CACNA1E: variants seen among roughly 807,000 people sequenced by gnomAD.
The protein encoded by CACNA1E is voltage-dependent R-type calcium channel subunit alpha-1E.
CACNA1E carries 40 observed loss-of-function variants against 259.2 expected under a neutral mutation model. That is an observed-to-expected ratio of 0.15 (90% CI 0.12 to 0.20). CACNA1E has a LOEUF of 0.20. Among genes scored for constraint, CACNA1E ranks in the 10% least tolerant of loss-of-function variants. The pLI, the probability that CACNA1E is intolerant of heterozygous loss-of-function variation, is 1.00. For missense variants in CACNA1E, 1,874 were observed against 3,040.1 expected, an observed-to-expected ratio of 0.62 and a Z score of 9.02; for synonymous variants, 1,104 against 1,138.5, an observed-to-expected ratio of 0.97 and a Z score of 0.61.
intron 7 of CACNA1E, among the ~76,000 whole-genome samples, chr1:181,706,555 T>C (rs935556759): frequency 6.6e-6 from 1 of 152,216 alleles, no homozygotes; most frequent in African/African-American, 2.4e-5. Flanking sequence ...TTATTCTAGG[T>C]CTTTAATAAC....
chr1:181,726,149 A>C lies in CACNA1E; in HGVS notation c.2227A>C (p.Met743Leu). 3.1e-6 allele frequency: 5 copies of C among 1,611,726 alleles called. No homozygotes were observed. Among genetic ancestry groups the C allele is most frequent in the Non-Finnish European group, 4.2e-6 (5 of 1,178,740 alleles). ...KEVSPMSAPN[M>L]PSIERDRRRR... is the part of the protein sequence containing the mutation. The stretch of plus-strand genomic sequence containing the variant: ...GGTCAGCCCGATGTCTGCACCCAAC[A>C]TGCCTTCGATCGAGTGAGTCAGCTG... The change falls in exon 18 of 48, where the codon ATG becomes CTG. Residue 743 changes from methionine (M) to leucine (L), a missense_variant. Physicochemically the swap from Met to Leu is conservative, Grantham distance 15. Coordinates refer to ENST00000367573, the MANE Select transcript of CACNA1E (RefSeq NM_001205293.3).
chr1:181,428,172 C>G lies in CACNA1E; in HGVS notation c.434+14592C>G, dbSNP rs78160593. 2.2e-3 allele frequency among the ~76,000 whole-genome samples: 332 copies of G among 152,348 alleles called. 2 individuals carry two copies. The highest frequency in any genetic ancestry group is 7.7e-3 in the African/African-American group (322 of 41,570). On this transcript the variant is annotated intron_variant, in intron 2 of 11. Coordinates refer to the CACNA1E transcript ENST00000524607. ...CTCACTCTCCGGAGGACTGGCACTT[C>G]TCTCAACACCCCTCCTCAGCATCTC...
chr1:181,739,269 C>T lies in CACNA1E; in HGVS notation c.3719+16C>T. On this transcript the variant is annotated intron_variant, in intron 25 of 47. Transcript: ENST00000367573. ...TTGCTCTGGCGTAAGTGACTCTTTT[C>T]ATATTTGATTCCCTTCCTTCCCCTC... is the stretch of plus-strand genomic sequence containing the variant. 1 of 1,502,220 alleles carries T rather than the reference C, an allele frequency of 6.7e-7. No individual in the cohort carries two copies. The allele number at this position is 1,502,220 out of a possible 1,614,324, so 93.1% of individuals were successfully genotyped here.
chr1:181,449,452 C>T (rs757983243), intron 2 of CACNA1E, among the ~76,000 whole-genome samples: 1 of 152,248 alleles, frequency 6.6e-6, no homozygotes, highest in Non-Finnish European at 1.5e-5. Flanking sequence ...GCTGGCAGCA[C>T]ACCACAATTC....
At chr1:181,784,819 G>C in intron 41 of CACNA1E, 51 bp downstream of exon 41, 2 of 1,129,426 alleles carry the variant, frequency 1.8e-6, no homozygotes, top group East Asian at 2.6e-5. Context: ...AGCATGTGAA[G>C]ACTACGTCTT....
chr1:181,774,954 G>C (rs1558376259), intron 37 of CACNA1E, among the ~76,000 whole-genome samples: 1 of 152,194 alleles, frequency 6.6e-6, no homozygotes, highest in Non-Finnish European at 1.5e-5. Flanking sequence ...TCCTGGGGCA[G>C]AGCAGGCTTG....
At chr1:181,426,517 ACC>A (rs1659222259) in intron 2 of CACNA1E, among the ~76,000 whole-genome samples, 1 of 144,004 alleles carries the variant, frequency 6.9e-6, no homozygotes, top group South Asian at 2.3e-4. Flanking sequence ...TCCTGTCTCA[ACC>A]CCTTCACAAC....
At chr1:181,720,481 A>T in intron 14 of CACNA1E, 144 bp downstream of exon 14, 1 of 857,544 alleles carries the variant, frequency 1.2e-6, no homozygotes, top group Admixed American at 2.5e-5. Context: ...GTGAGTTCAT[A>T]TGTGGAGTAA....
At chr1:181,470,592 C>T (rs1231325961) in intron 2 of CACNA1E, among the ~76,000 whole-genome samples, 1 of 152,124 alleles carries the variant, frequency 6.6e-6, no homozygotes, top group Non-Finnish European at 1.5e-5. Context: ...GGTATATAAC[C>T]AAGGAGAGGA....
rs943418832 is a variant in CACNA1E at position 181,758,004 on chromosome 1, A to G, written c.4387A>G (p.Asn1463Asp). The change falls in exon 31 of 48, where the codon AAC (asparagine) becomes GAC (aspartate). Residue 1463 changes from asparagine (N) to aspartate (D), a missense_variant. Physicochemically the swap from Asn to Asp is conservative, Grantham distance 23 (BLOSUM62 1). This residue lies in a region of CACNA1E where 188 missense variants were observed against 540.6 expected (regional missense o/e 0.35). Transcript: ENST00000367573. This position sits in a 1 kb window ranked among gnomAD's most constrained non-coding sequence, Gnocchi z 4.2. ...ACCTCTCACCCGCTACATGCCGCAG[A>G]ACAGACACACCTTCCAGTACCGCGT... ...AKPLTRYMPQ[N>D]RHTFQYRVWH... 1 of 1,614,024 alleles carries G rather than the reference A, an allele frequency of 6.2e-7. No individual in the cohort carries two copies. Among genetic ancestry groups the G allele is most frequent in the Non-Finnish European group, 8.5e-7 (1 of 1,179,884 alleles).
chr1:181,399,553 G>A (rs1183995104), intron 1 of CACNA1E, among the ~76,000 whole-genome samples: 3 of 152,350 alleles, frequency 2.0e-5, no homozygotes, highest in Non-Finnish European at 4.4e-5. Flanking sequence ...GGGGGAAAGA[G>A]GGTGGTAATG....
chr1:181,511,185 G>C (rs1199078108), intron 2 of CACNA1E, among the ~76,000 whole-genome samples, 186 bp from the exon 3 acceptor site: 1 of 152,086 alleles, frequency 6.6e-6, no homozygotes, highest in East Asian at 1.9e-4. Flanking sequence ...GCTCCCCTGG[G>C]TCTCCCTTGC....
chr1:181,381,552 G>A (rs1655461251), intron 1 of CACNA1E, among the ~76,000 whole-genome samples: 1 of 152,090 alleles, frequency 6.6e-6, no homozygotes, highest in African/African-American at 2.4e-5. Context: ...ATACAAAGAA[G>A]TTTTTTGGGA....
At chr1:181,661,543 G>A (rs1647680460) in intron 7 of CACNA1E, among the ~76,000 whole-genome samples, 1 of 152,194 alleles carries the variant, frequency 6.6e-6, no homozygotes, top group South Asian at 2.1e-4. Context: ...CAGGCCAAAG[G>A]GTAGGTCTTA....
intron 1 of CACNA1E, among the ~76,000 whole-genome samples, chr1:181,489,990 A>C (rs1664174028): frequency 6.6e-6 from 1 of 152,340 alleles, no homozygotes; most frequent in South Asian, 2.1e-4. Context: ...TTCCAGCATC[A>C]ATCTTAATTA....
At chr1:181,632,853 C>A (rs949030234) in intron 6 of CACNA1E, among the ~76,000 whole-genome samples, 21 of 152,166 alleles carry the variant, frequency 1.4e-4, no homozygotes, top group Non-Finnish European at 2.8e-4. Flanking sequence ...TAAAGACATT[C>A]AAGACACAAT....
rs145482995 is a variant in CACNA1E, at chr1:181,370,881, A to C, written c.-14-42252A>C. Among the ~76,000 whole-genome samples the C allele has an allele frequency of 4.6e-5, 7 of 152,292 alleles. No homozygotes were observed. In the East Asian group the frequency reaches 5.8e-4, roughly 13 times the overall value. ...TTCCACTGTGGCTGAGCTAATTTACATTTCTACCATCAGCATATAAGTATT... is the reference window on the plus strand; with the variant it reads ...TTCCACTGTGGCTGAGCTAATTTACCTTTCTACCATCAGCATATAAGTATT... On this transcript the variant is annotated intron_variant, in intron 1 of 11. Coordinates refer to the CACNA1E transcript ENST00000524607.
chr1:181,602,105 C>T (rs1239800298), intron 6 of CACNA1E, among the ~76,000 whole-genome samples: 1 of 152,216 alleles, frequency 6.6e-6, no homozygotes, highest in Non-Finnish European at 1.5e-5. Flanking sequence ...TCCCAGTACT[C>T]TCTTAACTCC....
rs561657712 is a variant in CACNA1E, at chr1:181,532,627, G to C, written c.512+21117G>C. Among the ~76,000 whole-genome samples the C allele has an allele frequency of 2.0e-5, 3 of 152,322 alleles. No homozygotes were observed. The South Asian group carries it at 6.2e-4, about 32-fold the overall frequency. On this transcript the variant is annotated intron_variant, in intron 3 of 47. Coordinates refer to ENST00000367573, the MANE Select transcript of CACNA1E (RefSeq NM_001205293.3). ...ACTTCCAGACCAGTGATTCTGGTTT[G>C]GGTTGGATTTGTCAGTGAACTGAAG...
Sources: allele counts gnomAD v4.1 joint callset (sites outside exome capture counted in the v4.1 genomes callset), GRCh38; gene constraint gnomAD v4.1.1; regional missense constraint gnomAD v4.1.1; non-coding constraint Gnocchi (gnomAD v3.1); transcripts MANE v1.5; gene names NCBI Gene and HGNC (gene_info 2026-07-23, HGNC 2026-07-21).